RALGPS2: variants seen among roughly 807,000 people sequenced by gnomAD.
The protein encoded by RALGPS2 is Ral GEF with PH domain and SH3 binding motif 2.
Under a neutral mutation model 86.8 loss-of-function variants are expected in RALGPS2, and 43 were observed. The observed-to-expected ratio is 0.50, with a 90% CI of 0.39 to 0.64. RALGPS2 has a LOEUF of 0.64. Among genes scored for constraint, RALGPS2 ranks in the 30% least tolerant of loss-of-function variants. The pLI, the probability that RALGPS2 is intolerant of heterozygous loss-of-function variation, is 0.00. For synonymous variants in RALGPS2, 243 were observed against 231.3 expected (o/e 1.05, Z -0.46); for missense variants, 536 against 694.6 (o/e 0.77, Z 2.57).
chr1:178,763,681 G>T (rs1652359513), intron 1 of RALGPS2, among the ~76,000 whole-genome samples: 1 of 152,022 alleles, frequency 6.6e-6, no homozygotes, highest in African/African-American at 2.4e-5. Flanking sequence ...ACTGATTTTT[G>T]TACCTTTGTA....
rs1135769 is a variant in RALGPS2 at position 178,765,640 on chromosome 1, C to T, written c.-83-11042C>T. 9.2e-5 allele frequency among the ~76,000 whole-genome samples: 14 copies of T among 152,192 alleles called. 1 individual carries two copies. The East Asian group carries it at 9.7e-4, about 10-fold the overall frequency. ...ACCGGTCTGACCAAAATTTATTAGG[C>T]GGGAATTTCCTTTTCCTAATAAGCC... On this transcript the variant is annotated intron_variant, in intron 1 of 19. Coordinates refer to ENST00000367635, the MANE Select transcript of RALGPS2 (RefSeq NM_152663.5).
chr1:178,877,170 TTGAAGAAC>T (rs1659041560), intron 8 of RALGPS2, among the ~76,000 whole-genome samples: 1 of 152,122 alleles, frequency 6.6e-6, no homozygotes, highest in Admixed American at 6.5e-5. Flanking sequence ...GCAGAGCCAA[TTGAAGAAC>T]TCAGCTCCTT....
chr1:178,853,572 T>C, intron 8 of RALGPS2: 1 of 1,542,550 alleles, frequency 6.5e-7, no homozygotes, highest in Non-Finnish European at 8.7e-7. Context: ...TTACTTCCCT[T>C]AGGTCTGCAT....
At chr1:178,840,284 A>C (rs1221845004) in intron 8 of RALGPS2, among the ~76,000 whole-genome samples, 1 of 152,242 alleles carries the variant, frequency 6.6e-6, no homozygotes, top group Admixed American at 6.5e-5. Context: ...AAAAGAACAT[A>C]AATTACAACA....
At chr1:178,905,668 A>G (rs1660359950) in intron 18 of RALGPS2, among the ~76,000 whole-genome samples, 1 of 152,248 alleles carries the variant, frequency 6.6e-6, no homozygotes, top group Non-Finnish European at 1.5e-5. Context: ...TGTGAAATAA[A>G]AAGAACTTAG....
chr1:178,806,555 G>A (rs1213724729), intron 4 of RALGPS2, among the ~76,000 whole-genome samples: 3 of 152,012 alleles, frequency 2.0e-5, no homozygotes, highest in Admixed American at 6.6e-5. Context: ...AAAAGATTTA[G>A]TCACCTTTAT....
At chr1:178,783,037 A>G (rs1462269540) in intron 2 of RALGPS2, among the ~76,000 whole-genome samples, 3 of 152,224 alleles carry the variant, frequency 2.0e-5, no homozygotes, top group African/African-American at 4.8e-5. Flanking sequence ...TGAGGCAGAG[A>G]TTTCACAATT....
At chr1:178,859,826 C>G (rs918440812) in intron 8 of RALGPS2, among the ~76,000 whole-genome samples, 2 of 85,330 alleles carry the variant, frequency 2.3e-5, no homozygotes, top group African/African-American at 4.1e-5. Flanking sequence ...GCCCGCCCCC[C>G]CCCCCCCAAC....
intron 7 of RALGPS2, among the ~76,000 whole-genome samples, chr1:178,824,248 A>G (rs1018015303): frequency 6.6e-6 from 1 of 152,170 alleles, no homozygotes; most frequent in African/African-American, 2.4e-5. Context: ...CAGCAAGTAT[A>G]GAGAATGCTT....
Position 178,833,470 on chromosome 1 carries a change from T to C in RALGPS2, c.527T>C (p.Val176Ala). ...DKTTFEKLEY[V>A]MSKEDNYKRL... Reference sequence around the variant, plus strand: ...ACTACCTTTGAAAAATTAGAATATGTAATGAGTAAAGAAGATAACTACAAA... The same window carrying C: ...ACTACCTTTGAAAAATTAGAATATGCAATGAGTAAAGAAGATAACTACAAA... Residue 176 changes from valine to alanine, a missense_variant, in exon 8 of 20, where the codon GTA (valine) becomes GCA (alanine). By Grantham distance (64) the Val-to-Ala change is moderately conservative. Around this residue, in one of 3 missense-constraint regions of RALGPS2, gnomAD observed 184 missense variants for 296.7 expected, o/e 0.62. Transcript: ENST00000367635. 6.5e-7 allele frequency: 1 copy of C among 1,527,318 alleles called. No homozygotes were observed. The highest frequency in any genetic ancestry group is 1.3e-5 in the South Asian group (1 of 76,342). 94.6% of individuals were successfully genotyped at this position (1,527,318 alleles called of 1,614,324 possible). A position where few individuals can be genotyped will look rare whatever the true frequency, so the allele number is the denominator to read the frequency against.
At chr1:178,849,832 C>T (rs1485507675) in intron 8 of RALGPS2, 1 of 152,180 alleles carries the variant, frequency 6.6e-6, no homozygotes, top group East Asian at 1.9e-4. Flanking sequence ...TAAGCTATTC[C>T]CATGCATAGT....
intron 14 of RALGPS2, among the ~76,000 whole-genome samples, chr1:178,891,929 T>C (rs932639199): frequency 2.6e-5 from 4 of 151,948 alleles, no homozygotes; most frequent in South Asian, 2.1e-4. Context: ...TTTTTTTTAT[T>C]ATTTGGCTAT....
intron 8 of RALGPS2, chr1:178,865,441 A>G (rs770427869): frequency 3.0e-5 from 48 of 1,613,876 alleles, no homozygotes; most frequent in Non-Finnish European, 4.0e-5. Context: ...CCTCATTCAC[A>G]ATGTTTCCAT....
At chr1:178,761,363 A>G (rs1353113096) in intron 1 of RALGPS2, among the ~76,000 whole-genome samples, 2 of 151,172 alleles carry the variant, frequency 1.3e-5, no homozygotes, top group Non-Finnish European at 2.9e-5. Context: ...CAGGAGGCAG[A>G]GCTTGCAGTG....
chr1:178,828,384 C>T (rs944501671), intron 7 of RALGPS2, among the ~76,000 whole-genome samples: 9 of 152,166 alleles, frequency 5.9e-5, no homozygotes, highest in African/African-American at 2.2e-4. Flanking sequence ...AGACTACAAA[C>T]CTATACACCA....
chr1:178,791,783 G>A (rs1653968111), intron 4 of RALGPS2, among the ~76,000 whole-genome samples: 2 of 152,092 alleles, frequency 1.3e-5, no homozygotes, highest in South Asian at 4.1e-4. Context: ...TCTTGACTTG[G>A]AGGAAGAAAC....
chr1:178,779,459 C>T (rs1357365348), intron 2 of RALGPS2, among the ~76,000 whole-genome samples: 2 of 152,148 alleles, frequency 1.3e-5, no homozygotes, highest in Non-Finnish European at 2.9e-5. Context: ...CAGCTAGTTA[C>T]TTAGGCCTTG....
intron 10 of RALGPS2, among the ~76,000 whole-genome samples, chr1:178,880,158 T>C (rs890660544): frequency 1.3e-5 from 2 of 152,188 alleles, no homozygotes; most frequent in Non-Finnish European, 2.9e-5. Flanking sequence ...AGTGAAAGAC[T>C]AGATTATTTT....
intron 11 of RALGPS2, among the ~76,000 whole-genome samples, chr1:178,884,082 AATAG>A (rs1340097799): frequency 1.3e-5 from 2 of 152,214 alleles, no homozygotes; most frequent in Admixed American, 1.3e-4. Flanking sequence ...GATGGAAAAT[AATAG>A]ATAAGTAGTT....
Sources: allele counts gnomAD v4.1 joint callset (sites outside exome capture counted in the v4.1 genomes callset), GRCh38; gene constraint gnomAD v4.1.1; regional missense constraint gnomAD v4.1.1; transcripts MANE v1.5; gene names NCBI Gene and HGNC (gene_info 2026-07-23, HGNC 2026-07-21).